RIPOR2: variants seen among roughly 807,000 people sequenced by gnomAD.
RIPOR2 encodes the protein RHO family interacting cell polarization regulator 2, also known as rho family-interacting cell polarization regulator 2.
Under a neutral mutation model 114.5 loss-of-function variants are expected in RIPOR2, and 39 were observed. The observed-to-expected ratio is 0.34, with a 90% CI of 0.26 to 0.44. The LOEUF (loss-of-function observed/expected upper bound fraction) is 0.44. RIPOR2 is among the 20% of genes least tolerant of loss of function. RIPOR2 has a pLI of 1.00. For synonymous variants in RIPOR2, 445 were observed against 484.4 expected, an observed-to-expected ratio of 0.92 and a Z score of 1.07; for missense variants, 1,007 against 1,255.1, an observed-to-expected ratio of 0.80 and a Z score of 2.99.
intron 1 of RIPOR2, among the ~76,000 whole-genome samples, chr6:24,995,901 C>T (rs2113632415): frequency 6.6e-6 from 1 of 150,946 alleles, no homozygotes; most frequent in African/African-American, 2.4e-5. Flanking sequence ...CTCCCGGGTT[C>T]ATGCCATTCT....
At position 25,037,619 on chromosome 6, in the gene RIPOR2, C is replaced by T. The variant is rs1202382549; in HGVS notation, c.76+4232G>A. On this transcript the variant is annotated intron_variant, in intron 1 of 13. Coordinates refer to the RIPOR2 transcript ENST00000510784. This position sits in a 1 kb window ranked among gnomAD's most constrained non-coding sequence, Gnocchi z 4.5. The stretch of plus-strand genomic sequence containing the variant: ...ATCCCTAAGAAGGGTAACATATTAC[C>T]GTTCTCATACCTTGGTTTGATTATT... Among the ~76,000 whole-genome samples, 9 of 152,258 alleles carry T rather than the reference C, an allele frequency of 5.9e-5. No homozygotes were observed. The South Asian group carries it at 8.3e-4, about 14-fold the overall frequency.
At chr6:24,970,982 A>C (rs1339536671) in intron 1 of RIPOR2, among the ~76,000 whole-genome samples, 1 of 152,218 alleles carries the variant, frequency 6.6e-6, no homozygotes, top group African/African-American at 2.4e-5. Context: ...TGACAGAAAT[A>C]AATGAGATAA....
At chr6:24,944,270 A>G (rs1231623999) in intron 1 of RIPOR2, among the ~76,000 whole-genome samples, 1 of 152,220 alleles carries the variant, frequency 6.6e-6, no homozygotes, top group East Asian at 1.9e-4. Context: ...CTGAGCATTG[A>G]AAGTGTGTCC....
intron 1 of RIPOR2, among the ~76,000 whole-genome samples, chr6:24,993,431 T>C (rs1774921280): frequency 6.6e-6 from 1 of 152,274 alleles, no homozygotes; most frequent in African/African-American, 2.4e-5. Context: ...TTCCATTTGC[T>C]TGGTAGATTT....
At chr6:24,970,418 AG>A (rs1773729295) in intron 1 of RIPOR2, among the ~76,000 whole-genome samples, 1 of 152,214 alleles carries the variant, frequency 6.6e-6, no homozygotes, top group Non-Finnish European at 1.5e-5. Flanking sequence ...TAGAAGAGAC[AG>A]GTTTTACAAA....
intron 1 of RIPOR2, among the ~76,000 whole-genome samples, chr6:24,933,959 TC>T (rs1771580714): frequency 6.6e-6 from 1 of 152,206 alleles, no homozygotes; most frequent in Admixed American, 6.5e-5. Context: ...CACAGGTTCA[TC>T]CAGCCCTGCT....
intron 1 of RIPOR2, among the ~76,000 whole-genome samples, chr6:24,970,529 CA>C (rs1773735703): frequency 6.6e-6 from 1 of 152,224 alleles, no homozygotes; most frequent in African/African-American, 2.4e-5. Flanking sequence ...GGACCCTCCT[CA>C]GGAGGAACCC....
intron 1 of RIPOR2, among the ~76,000 whole-genome samples, chr6:24,927,765 G>A (rs552697276): frequency 6.6e-6 from 1 of 152,272 alleles, no homozygotes; most frequent in South Asian, 2.1e-4. Context: ...AATCTTCTCA[G>A]GGGTTAGGTA....
At chr6:24,927,185 C>CTACCACCAGCACCACCACAACTACAAT (rs1406998105) in intron 1 of RIPOR2, among the ~76,000 whole-genome samples, 1 of 6,690 alleles carries the variant, frequency 1.5e-4, no homozygotes. Context: ...ACCACCATGA[C>CTACCACCAGCACCACCACAACTACAAT]CACCACCACA....
At chr6:25,017,858 G>T (rs1776089387) in intron 1 of RIPOR2, among the ~76,000 whole-genome samples, 1 of 152,208 alleles carries the variant, frequency 6.6e-6, no homozygotes, top group Admixed American at 6.5e-5. Context: ...AAAGGAAAAT[G>T]AAAAGTTCTG....
chr6:24,945,638 A>G (rs1772367223), intron 1 of RIPOR2, among the ~76,000 whole-genome samples: 1 of 152,188 alleles, frequency 6.6e-6, no homozygotes, highest in Non-Finnish European at 1.5e-5. Context: ...GATAGAGGAT[A>G]AAAGTTTTTA....
chr6:25,030,156 T>C (rs1399921555), intron 1 of RIPOR2, among the ~76,000 whole-genome samples: 1 of 151,900 alleles, frequency 6.6e-6, no homozygotes, highest in Non-Finnish European at 1.5e-5. Flanking sequence ...AGGTCTTAAA[T>C]GGGGGGAAAA....
upstream of RIPOR2, among the ~76,000 whole-genome samples, chr6:24,939,030 C>T (rs760381750): frequency 3.3e-5 from 5 of 152,212 alleles, no homozygotes; most frequent in East Asian, 1.9e-4. Context: ...TGTAGGTAAT[C>T]GCTAACACAG....
At chr6:24,961,581 G>A (rs1025624208) in intron 1 of RIPOR2, among the ~76,000 whole-genome samples, 2 of 151,740 alleles carry the variant, frequency 1.3e-5, no homozygotes, top group Middle Eastern at 3.4e-3. Context: ...CAATAAGTAA[G>A]AAAATCCCTA....
intron 1 of RIPOR2, among the ~76,000 whole-genome samples, chr6:24,931,059 T>G (rs216258): frequency 0.31 from 46,834 of 152,152 alleles, 7,264 homozygotes; most frequent in East Asian, 0.37. Flanking sequence ...GTCTGAACTT[T>G]CAACATTTAC....
At chr6:25,020,154 A>G (rs1561847355) in intron 1 of RIPOR2, among the ~76,000 whole-genome samples, 1 of 152,208 alleles carries the variant, frequency 6.6e-6, no homozygotes, top group East Asian at 1.9e-4. Context: ...AGCTAGTATT[A>G]AAGGTTTTTC....
intron 1 of RIPOR2, among the ~76,000 whole-genome samples, chr6:24,984,201 A>C (rs1290131018): frequency 6.6e-6 from 1 of 152,210 alleles, no homozygotes; most frequent in Non-Finnish European, 1.5e-5. Context: ...GTGTGAAGAG[A>C]CCACCAAACA....
At chr6:24,966,766 G>A (rs899016857) in intron 1 of RIPOR2, among the ~76,000 whole-genome samples, 7 of 152,218 alleles carry the variant, frequency 4.6e-5, no homozygotes, top group Admixed American at 6.5e-5. Context: ...ATAAGGACAG[G>A]TGATGAGCTT....
intron 1 of RIPOR2, among the ~76,000 whole-genome samples, chr6:25,034,335 G>A (rs984213162): frequency 6.6e-6 from 1 of 151,572 alleles, no homozygotes; most frequent in African/African-American, 2.4e-5. Context: ...GGTAGGAGGG[G>A]GTAAGGGGTG....
Sources: gnomAD v4.1 joint callset for allele counts (sites outside exome capture counted in the v4.1 genomes callset) on GRCh38, gnomAD v4.1.1 for gene constraint, Gnocchi (gnomAD v3.1) non-coding constraint, MANE v1.5 for transcripts, NCBI Gene and HGNC (gene_info 2026-07-23, HGNC 2026-07-21) for gene names.